EBF4: variants seen among roughly 807,000 people sequenced by gnomAD.
EBF4 encodes the protein transcription factor COE4.
EBF4 carries 34 observed loss-of-function variants against 67.1 expected under a neutral mutation model. The observed-to-expected ratio is 0.51, with a 90% CI of 0.39 to 0.67. The LOEUF (loss-of-function observed/expected upper bound fraction) is 0.67. Ranked by LOEUF, EBF4 falls within the 30% of genes least tolerant of loss-of-function variation. The probability of loss-of-function intolerance (pLI) is 0.00; values close to 1 mark genes in which losing one functional copy is unlikely to be tolerated. For missense variants in EBF4, 837 were observed against 873.3 expected, an observed-to-expected ratio of 0.96 and a Z score of 0.52; for synonymous variants, 387 against 377.7, an observed-to-expected ratio of 1.02 and a Z score of -0.29.
chr20:2,755,937 T>C lies in EBF4; in HGVS notation c.1738+113T>C, dbSNP rs2088237102. 1 of 1,096,678 alleles carries C rather than the reference T, an allele frequency of 9.1e-7. No individual in the cohort carries two copies. The highest frequency in any genetic ancestry group is 2.6e-5 in the East Asian group (1 of 38,214). 67.9% of individuals were successfully genotyped at this position (1,096,678 alleles called of 1,614,324 possible). A position where few individuals can be genotyped will look rare whatever the true frequency, so the allele number is the denominator to read the frequency against. ...CACCAGTGCCTCATGCTGGCTAACCTGCTCTTCTTGGAGGACGGAGAGCAG... is the reference window on the plus strand; with the variant it reads ...CACCAGTGCCTCATGCTGGCTAACCCGCTCTTCTTGGAGGACGGAGAGCAG... On this transcript the variant is annotated intron_variant, in intron 15 of 16. Transcript: ENST00000609451. The surrounding 1 kb of genome is among the most constrained non-coding windows in gnomAD (Gnocchi z 4.7).
At chr20:2,746,419 G>A (rs1168431654) in intron 6 of EBF4, among the ~76,000 whole-genome samples, 1 of 152,094 alleles carries the variant, frequency 6.6e-6, no homozygotes, top group African/African-American at 2.4e-5. Context: ...TATAGGGGGT[G>A]CCCACTGTGG....
At position 2,752,025 on chromosome 20, in the gene EBF4, G is replaced by T. The variant is rs765861375; in HGVS notation, c.1173+38G>T. Reference sequence around the variant, plus strand: ...CGCCCTCCCAGCGCCGCCGGGACCGGGGCCCCCCAGCACGCGGCGCCCGCG... The same window carrying T: ...CGCCCTCCCAGCGCCGCCGGGACCGTGGCCCCCCAGCACGCGGCGCCCGCG... On this transcript the variant is annotated intron_variant, in intron 12 of 16. Transcript: ENST00000609451. 3.3e-6 allele frequency: 5 copies of T among 1,526,228 alleles called. No homozygotes were observed. The South Asian group carries it at 6.1e-5, about 19-fold the overall frequency. 94.5% of individuals were successfully genotyped at this position (1,526,228 alleles called of 1,614,324 possible). A position where few individuals can be genotyped will look rare whatever the true frequency, so the allele number is the denominator to read the frequency against.
At chr20:2,723,525 A>G (rs2087710755) in intron 6 of EBF4, among the ~76,000 whole-genome samples, 1 of 151,198 alleles carries the variant, frequency 6.6e-6, no homozygotes, top group Admixed American at 6.6e-5. Flanking sequence ...AATTTTTTGT[A>G]TTTTTAATAG....
At chr20:2,736,735 A>G (rs555856723) in intron 6 of EBF4, among the ~76,000 whole-genome samples, 14 of 152,234 alleles carry the variant, frequency 9.2e-5, no homozygotes, top group African/African-American at 3.1e-4. Flanking sequence ...TTCAGAGCTG[A>G]GAGCATTTGA....
chr20:2,709,209 C>T (rs535039756), intron 5 of EBF4, among the ~76,000 whole-genome samples: 6 of 152,256 alleles, frequency 3.9e-5, no homozygotes, highest in African/African-American at 1.2e-4. Flanking sequence ...AAAAGATTCA[C>T]TTTGTGGTCA....
At chr20:2,744,791 C>T (rs1442209912) in intron 6 of EBF4, among the ~76,000 whole-genome samples, 5 of 152,126 alleles carry the variant, frequency 3.3e-5, no homozygotes, top group Admixed American at 1.3e-4. Context: ...TGAGCAAGGC[C>T]TCAAGTCACA....
chr20:2,745,872 G>A lies in EBF4; in HGVS notation c.558-2677G>A, dbSNP rs550392706. 6.6e-6 allele frequency among the ~76,000 whole-genome samples: 1 copy of A among 152,328 alleles called. No homozygotes were observed. Among genetic ancestry groups the A allele is most frequent in the East Asian group, 1.9e-4 (1 of 5,184 alleles). ...TCCTCTTGATCCTGTAGGTTTGAGTGGAGTGGGGTGCAGTGGGCACATGTG... is the reference window on the plus strand; with the variant it reads ...TCCTCTTGATCCTGTAGGTTTGAGTAGAGTGGGGTGCAGTGGGCACATGTG... On this transcript the variant is annotated intron_variant, in intron 6 of 16. Coordinates refer to ENST00000609451, the Ensembl canonical transcript of EBF4. This position sits in a 1 kb window ranked among gnomAD's most constrained non-coding sequence, Gnocchi z 5.2.
At chr20:2,694,840 C>T (rs1340912522) in intron 1 of EBF4, among the ~76,000 whole-genome samples, 6 of 152,156 alleles carry the variant, frequency 3.9e-5, no homozygotes, top group Admixed American at 3.9e-4. Flanking sequence ...TTTCTGCACG[C>T]CGGTCCTTTC....
intron 6 of EBF4, among the ~76,000 whole-genome samples, chr20:2,730,044 A>G (rs1194761213): frequency 6.6e-6 from 1 of 152,334 alleles, no homozygotes; most frequent in East Asian, 1.9e-4. Flanking sequence ...CCCTATGGTG[A>G]GGGAATAACC....
At chr20:2,695,766 G>A (rs1027728762) in intron 1 of EBF4, among the ~76,000 whole-genome samples, 2 of 152,104 alleles carry the variant, frequency 1.3e-5, no homozygotes, top group African/African-American at 2.4e-5. Flanking sequence ...TCCTCCCCCT[G>A]GCCCTGCCTC....
intron 6 of EBF4, among the ~76,000 whole-genome samples, chr20:2,714,781 A>C (rs960742267): frequency 1.3e-5 from 2 of 152,170 alleles, no homozygotes; most frequent in Non-Finnish European, 2.9e-5. Flanking sequence ...CCTATGGTGA[A>C]ATTTGCCCAG....
At chr20:2,741,325 G>A (rs73581942) in intron 6 of EBF4, among the ~76,000 whole-genome samples, 2,151 of 151,898 alleles carry the variant, frequency 0.014, 51 homozygotes, top group African/African-American at 0.049. Context: ...AAAAAAAGCA[G>A]CTCCATCCCA....
At chr20:2,732,403 T>C (rs1472685099) in intron 6 of EBF4, among the ~76,000 whole-genome samples, 2 of 152,332 alleles carry the variant, frequency 1.3e-5, no homozygotes, top group East Asian at 3.9e-4. Context: ...GTTATGGGCA[T>C]GAGCCACCAC....
intron 6 of EBF4, among the ~76,000 whole-genome samples, chr20:2,716,483 C>T (rs184555045): frequency 4.7e-5 from 7 of 150,096 alleles, no homozygotes; most frequent in African/African-American, 1.5e-4. Flanking sequence ...GAGCCGAGAT[C>T]GTGCCACTGC....
At chr20:2,725,971 G>A (rs189568928) in intron 6 of EBF4, among the ~76,000 whole-genome samples, 105 of 152,148 alleles carry the variant, frequency 6.9e-4, no homozygotes, top group Non-Finnish European at 8.8e-4. Flanking sequence ...TTCTATTGCC[G>A]GGGGGACCTC....
chr20:2,749,832 C>A lies in EBF4; in HGVS notation c.892-15C>A, dbSNP rs1390974388. On this transcript the variant is annotated splice_polypyrimidine_tract_variant and intron_variant, in intron 9 of 16. Coordinates refer to ENST00000609451, the Ensembl canonical transcript of EBF4. ...GCCGGTGCGGGACCTGCAGGCCTCC[C>A]CTCTCCCCTCGCAGCTCATCACGCC... 11 of 1,546,684 alleles carry A rather than the reference C, an allele frequency of 7.1e-6. No individual in the cohort carries two copies. The highest frequency in any genetic ancestry group is 9.6e-6 in the Non-Finnish European group (11 of 1,144,404).
rs752863954 is a variant in EBF4 at position 2,755,807 on chromosome 20, A to G, written c.1721A>G (p.His574Arg). The change falls in exon 15 of 17, where the codon CAC becomes CGC. Residue 574 changes from histidine to arginine, a missense_variant. Physicochemically the swap from His to Arg is conservative, Grantham distance 29. Coordinates refer to ENST00000609451, the Ensembl canonical transcript of EBF4. This position sits in a 1 kb window ranked among gnomAD's most constrained non-coding sequence, Gnocchi z 4.7. Reference sequence around the variant, plus strand: ...CCACCCCAGGCCTGCCCCAGAGCCCACGGAGAGGGGCTTCCAGGTGAGTGA... The same window carrying G: ...CCACCCCAGGCCTGCCCCAGAGCCCGCGGAGAGGGGCTTCCAGGTGAGTGA... The G allele has an allele frequency of 5.9e-5, 92 of 1,548,080 alleles. No individual in the cohort carries two copies. The highest frequency in any genetic ancestry group is 8.0e-5 in the Non-Finnish European group (92 of 1,146,832).
At chr20:2,711,726 C>T (rs1047106168) in intron 6 of EBF4, among the ~76,000 whole-genome samples, 3 of 152,050 alleles carry the variant, frequency 2.0e-5, no homozygotes, top group Non-Finnish European at 4.4e-5. Context: ...CTTGTGTTCA[C>T]GGGCTTACAA....
At position 2,745,953 on chromosome 20, in the gene EBF4, G is replaced by A. The variant is rs17249425; in HGVS notation, c.558-2596G>A. On this transcript the variant is annotated intron_variant, in intron 6 of 16. Coordinates refer to ENST00000609451, the Ensembl canonical transcript of EBF4. The surrounding 1 kb of genome is among the most constrained non-coding windows in gnomAD (Gnocchi z 5.2). Reference sequence around the variant, plus strand: ...CATCTTCAGTGGTATCCAAAGGTGAGCCTTCAATCCCTTTAGGACAGAGAC... The same window carrying A: ...CATCTTCAGTGGTATCCAAAGGTGAACCTTCAATCCCTTTAGGACAGAGAC... 0.14 allele frequency among the ~76,000 whole-genome samples: 20,602 copies of A among 152,064 alleles called. 1,516 individuals carry two copies. The highest frequency in any genetic ancestry group is 0.19 in the East Asian group (975 of 5,162).
Sources: gnomAD v4.1 joint callset for allele counts (sites outside exome capture counted in the v4.1 genomes callset) on GRCh38, gnomAD v4.1.1 for gene constraint, Gnocchi (gnomAD v3.1) non-coding constraint, MANE v1.5 for transcripts, NCBI Gene and HGNC (gene_info 2026-07-23, HGNC 2026-07-21) for gene names.